The following AKR1C3 variants were observed in gnomAD, a reference collection of about 807,000 sequenced individuals.
The protein encoded by AKR1C3 is aldo-keto reductase family 1 member C3.
Under a neutral mutation model 43.6 loss-of-function variants are expected in AKR1C3, and 48 were observed. The observed-to-expected ratio is 1.10, with a 90% CI of 0.87 to 1.40. The LOEUF (loss-of-function observed/expected upper bound fraction) is 1.40. AKR1C3 is among the 40% of genes most tolerant of loss of function. The pLI is 0.00. For missense variants in AKR1C3, 482 were observed against 391.2 expected, an observed-to-expected ratio of 1.23 and a Z score of -1.96; for synonymous variants, 162 against 139.6, an observed-to-expected ratio of 1.16 and a Z score of -1.13.
intron 1 of AKR1C3, among the ~76,000 whole-genome samples, chr10:5,059,090 G>C (rs1838324208): frequency 1.3e-5 from 2 of 152,126 alleles, no homozygotes; most frequent in African/African-American, 4.8e-5. Flanking sequence ...CCTAGCTTCA[G>C]GAATAGCTTT....
chr10:5,051,769 C>G (rs1376150405), intron 1 of AKR1C3, among the ~76,000 whole-genome samples: 1 of 152,192 alleles, frequency 6.6e-6, no homozygotes, highest in Non-Finnish European at 1.5e-5. Context: ...CCGCCTTTGG[C>G]TAAATCTACC....
chr10:5,072,507 T>G (rs1214228052), intron 1 of AKR1C3, among the ~76,000 whole-genome samples: 2 of 152,334 alleles, frequency 1.3e-5, no homozygotes, highest in Middle Eastern at 3.4e-3. Context: ...GTCAGTTTTT[T>G]GAAAAGCTGA....
Position 5,102,214 on chromosome 10 carries a change from A to G in AKR1C3, c.680+4A>G, listed in dbSNP as rs782090811. On this transcript the variant is annotated splice_donor_region_variant and intron_variant, in intron 6 of 8. Transcript: ENST00000380554. ...GATCTCAACGAGACAAACGATGGTAATAAAAACAATGGGACCTTTACATAA... is the reference window on the plus strand; with the variant it reads ...GATCTCAACGAGACAAACGATGGTAGTAAAAACAATGGGACCTTTACATAA... The G allele has an allele frequency of 1.5e-5, 24 of 1,609,394 alleles. No homozygotes were observed. Among genetic ancestry groups the G allele is most frequent in the Admixed American group, 1.0e-4 (6 of 59,864 alleles).
Position 5,107,579 on chromosome 10 carries a change from G to C in AKR1C3, c.*76G>C. ...ACGCAGAGGACGTCTCTATGCCGGT[G>C]ACTGGACATATCACCTCTACTTAAA... On this transcript the variant is annotated 3_prime_UTR_variant, in exon 9 of 9. Transcript: ENST00000380554. The C allele has an allele frequency of 2.5e-6, 3 of 1,189,698 alleles. No individual in the cohort carries two copies. The highest frequency in any genetic ancestry group is 3.7e-6 in the Non-Finnish European group (3 of 807,100). 73.7% of individuals were successfully genotyped at this position (1,189,698 alleles called of 1,614,324 possible).
At chr10:5,067,169 A>T (rs559322023) in intron 1 of AKR1C3, among the ~76,000 whole-genome samples, 1 of 151,290 alleles carries the variant, frequency 6.6e-6, no homozygotes, top group East Asian at 1.9e-4. Context: ...GCTGGCTGCA[A>T]ATTCCTTAAA....
At chr10:5,106,979 A>G (rs1353180597) in intron 8 of AKR1C3, among the ~76,000 whole-genome samples, 5 of 152,162 alleles carry the variant, frequency 3.3e-5, no homozygotes, top group Non-Finnish European at 7.4e-5. Flanking sequence ...CTTATCATCC[A>G]TTAAAAATGT....
At chr10:5,081,961 C>G (rs1295143321) in intron 1 of AKR1C3, 1 of 152,192 alleles carries the variant, frequency 6.6e-6, no homozygotes, top group Non-Finnish European at 1.5e-5. Flanking sequence ...GAAGTAGAAG[C>G]TACATGGCAT....
At chr10:5,077,940 C>T in intron 1 of AKR1C3, 1 of 644,016 alleles carries the variant, frequency 1.6e-6, no homozygotes, top group South Asian at 1.8e-5. Flanking sequence ...AATGAATCTT[C>T]AGCCAACAAC....
chr10:5,053,166 G>A (rs2186176), intron 1 of AKR1C3, among the ~76,000 whole-genome samples: 1 of 152,228 alleles, frequency 6.6e-6, no homozygotes, highest in African/African-American at 2.4e-5. Context: ...CACTTGGGTG[G>A]TTGATGGGAC....
intron 1 of AKR1C3, among the ~76,000 whole-genome samples, chr10:5,086,064 T>A (rs546504994): frequency 6.6e-6 from 1 of 151,850 alleles, no homozygotes; most frequent in Non-Finnish European, 1.5e-5. Context: ...GTTTTTTGTG[T>A]CTCTATTTCC....
At chr10:5,107,415 A>G in intron 8 of AKR1C3, 46 bp from the exon 9 acceptor site, 1 of 1,320,868 alleles carries the variant, frequency 7.6e-7, no homozygotes. Context: ...CTACTCCCCT[A>G]GTAATGGAGT....
chr10:5,071,582 G>C (rs1269089958), intron 1 of AKR1C3, among the ~76,000 whole-genome samples: 1 of 152,190 alleles, frequency 6.6e-6, no homozygotes, highest in Non-Finnish European at 1.5e-5. Flanking sequence ...GCCTTGGTCT[G>C]TAAGGATCTG....
chr10:5,050,219 A>T (rs1329154303), intron 1 of AKR1C3, among the ~76,000 whole-genome samples: 1 of 152,062 alleles, frequency 6.6e-6, no homozygotes, highest in Admixed American at 6.5e-5. Context: ...TTCTCTTTGG[A>T]TGTTTGCACA....
At chr10:5,099,590 C>T (rs542249218) in intron 5 of AKR1C3, 141 bp downstream of exon 5, 25 of 1,433,680 alleles carry the variant, frequency 1.7e-5, no homozygotes, top group African/African-American at 5.7e-5. Context: ...TCAAGAAAGG[C>T]GTGAAGATTT....
intron 7 of AKR1C3, among the ~76,000 whole-genome samples, chr10:5,104,839 TTTC>T (rs1309708685): frequency 1.3e-5 from 2 of 152,158 alleles, no homozygotes; most frequent in African/African-American, 4.8e-5. Context: ...TTGATAACGT[TTTC>T]CTTTTTGTTT....
intron 1 of AKR1C3, among the ~76,000 whole-genome samples, chr10:5,060,813 G>C (rs2131785262): frequency 6.6e-6 from 1 of 152,330 alleles, no homozygotes; most frequent in African/African-American, 2.4e-5. Flanking sequence ...GCGGGCTGCA[G>C]ATCCTGAGCC....
intron 1 of AKR1C3, among the ~76,000 whole-genome samples, chr10:5,083,970 G>T (rs1283330384): frequency 6.6e-6 from 1 of 152,128 alleles, no homozygotes; most frequent in Non-Finnish European, 1.5e-5. Context: ...TGTAGATTCT[G>T]GATATTAGCC....
upstream of AKR1C3, among the ~76,000 whole-genome samples, chr10:5,090,355 C>T (rs1026478735): frequency 6.6e-6 from 1 of 152,068 alleles, no homozygotes; most frequent in East Asian, 1.9e-4. Context: ...TGATCCACAA[C>T]CTGGGTAGTC....
chr10:5,056,793 G>A (rs1403736675), intron 1 of AKR1C3, among the ~76,000 whole-genome samples: 3 of 152,170 alleles, frequency 2.0e-5, no homozygotes, highest in African/African-American at 7.2e-5. Flanking sequence ...AAGGATGTGG[G>A]ACTTTCAGGC....
Sources: gnomAD v4.1 joint callset for allele counts (sites outside exome capture counted in the v4.1 genomes callset) on GRCh38, gnomAD v4.1.1 for gene constraint, MANE v1.5 for transcripts, NCBI Gene and HGNC (gene_info 2026-07-23, HGNC 2026-07-21) for gene names.